NEO1: variants seen among roughly 807,000 people sequenced by gnomAD.
The protein encoded by NEO1 is neogenin 1, also known as neogenin.
NEO1 carries 63 observed loss-of-function variants against 159.7 expected under a neutral mutation model. That is an observed-to-expected ratio of 0.39 (90% CI 0.32 to 0.49). The LOEUF (loss-of-function observed/expected upper bound fraction) is 0.49. Ranked by LOEUF, NEO1 falls within the 20% of genes least tolerant of loss-of-function variation. The pLI, the probability that NEO1 is intolerant of heterozygous loss-of-function variation, is 0.85. For synonymous variants in NEO1, 633 were observed against 662.0 expected (o/e 0.96, Z 0.67); for missense variants, 1,615 against 1,831.0 (o/e 0.88, Z 2.15).
chr15:73,223,922 C>T (rs1346467040), intron 7 of NEO1, among the ~76,000 whole-genome samples: 1 of 152,048 alleles, frequency 6.6e-6, no homozygotes, highest in East Asian at 1.9e-4. Context: ...TAAAGACGTT[C>T]TGCTTTGATG....
rs576767888 is a variant in NEO1 at position 73,084,573 on chromosome 15, C to T, written c.130+31768C>T. Among the ~76,000 whole-genome samples the T allele has an allele frequency of 1.1e-4, 16 of 152,230 alleles. No homozygotes were observed. The East Asian group carries it at 3.1e-3, about 29-fold the overall frequency. ...GTTGATGGACACTGGGTAAATTCCA[C>T]GTCTTGGCTATTGTGAATAATGCTG... On this transcript the variant is annotated intron_variant, in intron 1 of 28. Coordinates refer to ENST00000261908, the MANE Select transcript of NEO1 (RefSeq NM_002499.4).
At chr15:73,052,281 G>A (rs2067472354), upstream of NEO1, among the ~76,000 whole-genome samples, 1 of 136,188 alleles carries the variant, frequency 7.3e-6, no homozygotes, top group African/African-American at 2.7e-5. Context: ...GCGCGTGTGC[G>A]CGCCCGGGAC....
intron 1 of NEO1, among the ~76,000 whole-genome samples, chr15:73,064,840 C>T (rs1224675547): frequency 1.3e-5 from 2 of 152,044 alleles, no homozygotes; most frequent in Non-Finnish European, 1.5e-5. Context: ...CAGTTTTTGT[C>T]TTCTTACTAA....
At chr15:73,245,010 A>C (rs971810613) in intron 9 of NEO1, among the ~76,000 whole-genome samples, 2 of 149,544 alleles carry the variant, frequency 1.3e-5, no homozygotes, top group Admixed American at 6.7e-5. Flanking sequence ...AAGACAATAT[A>C]CTTCTGTTGG....
intron 24 of NEO1, 155 bp from the exon 25 acceptor site, chr15:73,288,991 A>G (rs996064053): frequency 1.6e-6 from 1 of 628,270 alleles, no homozygotes; most frequent in South Asian, 1.9e-5. Context: ...TGCTCTAATG[A>G]TCATTTTCCT....
Position 73,110,167 on chromosome 15 carries a change from T to G in NEO1, c.131-6373T>G, listed in dbSNP as rs188338789. ...CTAAAGAATCAAGATGGATGAAATG[T>G]AGGATTTGGAGACTGACGAGAAGGG... On this transcript the variant is annotated intron_variant, in intron 1 of 28. Transcript: ENST00000261908. Among the ~76,000 whole-genome samples the G allele has an allele frequency of 7.4e-4, 112 of 152,256 alleles. 2 individuals are homozygous for G. In the Middle Eastern group the frequency reaches 0.014, roughly 18 times the overall value.
At chr15:73,080,994 A>T in intron 1 of NEO1, among the ~76,000 whole-genome samples, 1 of 152,372 alleles carries the variant, frequency 6.6e-6, no homozygotes, top group East Asian at 1.9e-4. Context: ...TTTTAGAATT[A>T]TTGAAAAATT....
chr15:73,118,753 G>A (rs956833731), intron 2 of NEO1, among the ~76,000 whole-genome samples: 1 of 152,108 alleles, frequency 6.6e-6, no homozygotes, highest in African/African-American at 2.4e-5. Flanking sequence ...TTGGCCCTAG[G>A]TATCAGGAGT....
At chr15:73,130,280 G>A (rs555339969) in intron 4 of NEO1, among the ~76,000 whole-genome samples, 2 of 150,924 alleles carry the variant, frequency 1.3e-5, no homozygotes, top group Admixed American at 6.6e-5. Context: ...AGCCAACTTG[G>A]TGGTTAGTTC....
intron 5 of NEO1, among the ~76,000 whole-genome samples, chr15:73,173,545 A>G (rs1404975835): frequency 6.6e-6 from 1 of 152,212 alleles, no homozygotes; most frequent in African/African-American, 2.4e-5. Context: ...AAATATTAGA[A>G]GAAAATACAA....
chr15:73,082,732 A>G (rs1017291501), intron 1 of NEO1, among the ~76,000 whole-genome samples: 4 of 152,222 alleles, frequency 2.6e-5, no homozygotes, highest in Non-Finnish European at 5.9e-5. Flanking sequence ...GCACTGTGTT[A>G]GGTATACATG....
chr15:73,075,351 A>G (rs1332120258), intron 1 of NEO1, among the ~76,000 whole-genome samples: 1 of 152,170 alleles, frequency 6.6e-6, no homozygotes, highest in African/African-American at 2.4e-5. Context: ...GTTGCATAAT[A>G]TAGCTTTTGC....
chr15:73,172,027 A>G (rs1270673766), intron 5 of NEO1, among the ~76,000 whole-genome samples: 2 of 152,200 alleles, frequency 1.3e-5, no homozygotes, highest in Non-Finnish European at 2.9e-5. Context: ...GTACTCATTT[A>G]TATATGAAAT....
chr15:73,123,817 A>T (rs1168226724), intron 3 of NEO1, among the ~76,000 whole-genome samples: 1 of 152,000 alleles, frequency 6.6e-6, no homozygotes, highest in Admixed American at 6.6e-5. Context: ...CTATCCCTAC[A>T]TTATTTGGGA....
At chr15:73,099,277 A>T (rs1242679933) in intron 1 of NEO1, among the ~76,000 whole-genome samples, 1 of 152,208 alleles carries the variant, frequency 6.6e-6, no homozygotes, top group Non-Finnish European at 1.5e-5. Flanking sequence ...TTAAGAGCTC[A>T]ACGAATGAAT....
At chr15:73,230,722 C>G (rs898839854) in intron 7 of NEO1, among the ~76,000 whole-genome samples, 3 of 152,104 alleles carry the variant, frequency 2.0e-5, no homozygotes, top group Non-Finnish European at 4.4e-5. Flanking sequence ...TCTCAAGTAG[C>G]TGGGACTACA....
Position 73,194,559 on chromosome 15 carries a change from A to G in NEO1, c.1291+16132A>G, listed in dbSNP as rs74841321. 7.5e-4 allele frequency among the ~76,000 whole-genome samples: 114 copies of G among 152,256 alleles called. 1 individual carries two copies. Among genetic ancestry groups the G allele is most frequent in the African/African-American group, 2.6e-3 (110 of 41,538 alleles). On this transcript the variant is annotated intron_variant, in intron 7 of 28. Coordinates refer to ENST00000261908, the MANE Select transcript of NEO1 (RefSeq NM_002499.4). ...TTTTAAACAACCAGTTCTCAAGGAA[A>G]CTAACCGAGTAAGAACCTACTCAGT...
rs1311207479 is a variant in NEO1, at chr15:73,303,583, A to G, written c.*887A>G. The G allele has an allele frequency of 6.6e-6, 1 of 152,220 alleles. No individual in the cohort carries two copies. Among genetic ancestry groups the G allele is most frequent in the South Asian group, 2.1e-4 (1 of 4,828 alleles). 9.4% of individuals were successfully genotyped at this position (152,220 alleles called of 1,614,324 possible). ...ACTTTCTTCCAGAAGCCTGCAGAGA[A>G]TGGAAGCATCTTCTTTATTGTCCTT... On this transcript the variant is annotated 3_prime_UTR_variant, in exon 29 of 29. Coordinates refer to ENST00000261908, the MANE Select transcript of NEO1 (RefSeq NM_002499.4).
intron 1 of NEO1, among the ~76,000 whole-genome samples, chr15:73,101,303 T>C (rs1056776151): frequency 6.6e-6 from 1 of 152,268 alleles, no homozygotes; most frequent in African/African-American, 2.4e-5. Flanking sequence ...TTTAATTCCA[T>C]TGTGGTTAGA....
Sources: allele counts gnomAD v4.1 joint callset (sites outside exome capture counted in the v4.1 genomes callset), GRCh38; gene constraint gnomAD v4.1.1; transcripts MANE v1.5; gene names NCBI Gene and HGNC (gene_info 2026-07-23, HGNC 2026-07-21).